KCNQ5: variants seen among roughly 807,000 people sequenced by gnomAD.
KCNQ5 encodes the protein potassium voltage-gated channel subfamily Q member 5, also known as potassium voltage-gated channel subfamily KQT member 5.
Under a neutral mutation model 98.2 loss-of-function variants are expected in KCNQ5, and 30 were observed. The observed-to-expected ratio is 0.31, with a 90% CI of 0.23 to 0.41. The LOEUF is 0.41. Ranked by LOEUF, KCNQ5 falls within the 10% of genes least tolerant of loss-of-function variation. The probability of loss-of-function intolerance (pLI) is 1.00; values close to 1 mark genes in which losing one functional copy is unlikely to be tolerated. For synonymous variants in KCNQ5, 458 were observed against 449.4 expected (o/e 1.02, Z -0.24); for missense variants, 835 against 1,182.5 (o/e 0.71, Z 4.31).
chr6:73,149,435 GAAGAT>G (rs770611460), intron 10 of KCNQ5, among the ~76,000 whole-genome samples: 2 of 152,166 alleles, frequency 1.3e-5, no homozygotes, highest in Admixed American at 6.5e-5. Context: ...AAAAGTAAGA[GAAGAT>G]CTTTGGGATC....
At chr6:72,710,106 C>T (rs917489067) in intron 1 of KCNQ5, among the ~76,000 whole-genome samples, 3 of 152,248 alleles carry the variant, frequency 2.0e-5, no homozygotes, top group African/African-American at 7.2e-5. Flanking sequence ...TGGTCTTCTA[C>T]ATGGCAAACA....
chr6:72,948,313 A>G (rs1766639282), intron 1 of KCNQ5, among the ~76,000 whole-genome samples: 1 of 151,932 alleles, frequency 6.6e-6, no homozygotes, highest in Admixed American at 6.6e-5. Context: ...AATCCAACTG[A>G]CCTGTCGTTA....
chr6:72,878,227 G>T (rs556727332), intron 1 of KCNQ5, among the ~76,000 whole-genome samples: 7 of 152,186 alleles, frequency 4.6e-5, no homozygotes, highest in Non-Finnish European at 8.8e-5. Flanking sequence ...CCGAGATTGC[G>T]CCACTGCACT....
At chr6:72,649,301 A>G (rs918561572) in intron 1 of KCNQ5, among the ~76,000 whole-genome samples, 1 of 152,196 alleles carries the variant, frequency 6.6e-6, no homozygotes, top group Non-Finnish European at 1.5e-5. Context: ...TTAAACAGAC[A>G]TGCACGTGTA....
chr6:73,178,431 A>G (rs1000241086), intron 11 of KCNQ5, among the ~76,000 whole-genome samples: 1 of 147,220 alleles, frequency 6.8e-6, no homozygotes, highest in Admixed American at 7.0e-5. Context: ...TACAAACATT[A>G]AAAAAAAACA....
At chr6:72,937,172 A>G (rs1765975242) in intron 1 of KCNQ5, among the ~76,000 whole-genome samples, 1 of 152,236 alleles carries the variant, frequency 6.6e-6, no homozygotes, top group Non-Finnish European at 1.5e-5. Context: ...TTAGTGCTTT[A>G]CGAACCCAGA....
chr6:73,098,912 G>A (rs929261255), intron 5 of KCNQ5, among the ~76,000 whole-genome samples: 5 of 152,054 alleles, frequency 3.3e-5, no homozygotes, highest in Non-Finnish European at 5.9e-5. Context: ...ACAAAAAGAT[G>A]AACTTATCAA....
At chr6:72,687,006 G>C (rs1767992298) in intron 1 of KCNQ5, among the ~76,000 whole-genome samples, 1 of 152,084 alleles carries the variant, frequency 6.6e-6, no homozygotes, top group South Asian at 2.1e-4. Context: ...TTCAGATTTA[G>C]AATGTGTGTG....
At chr6:73,090,806 A>G (rs1036005440) in intron 5 of KCNQ5, among the ~76,000 whole-genome samples, 2 of 152,220 alleles carry the variant, frequency 1.3e-5, no homozygotes, top group African/African-American at 2.4e-5. Flanking sequence ...GGCGATCATT[A>G]AAGAGTCAGG....
chr6:72,901,623 G>C (rs1459535904), intron 1 of KCNQ5, among the ~76,000 whole-genome samples: 4 of 152,096 alleles, frequency 2.6e-5, no homozygotes, highest in Non-Finnish European at 1.5e-5. Context: ...CCCACTTTAT[G>C]TTTTTGTTTG....
chr6:73,137,371 G>A (rs182046677), intron 10 of KCNQ5, among the ~76,000 whole-genome samples: 53 of 152,178 alleles, frequency 3.5e-4, no homozygotes, highest in African/African-American at 1.3e-3. Flanking sequence ...AATGACAAAC[G>A]AAAGAAAGTA....
chr6:73,169,797 G>T lies in KCNQ5; in HGVS notation c.1520G>T (p.Cys507Phe). The change falls in exon 11 of 14, where the codon TGT (cysteine) becomes TTT (phenylalanine). Residue 507 changes from cysteine to phenylalanine, a missense_variant. By Grantham distance (205) the Cys-to-Phe change is radical. Around this residue, in one of 10 missense-constraint regions of KCNQ5, gnomAD observed 146 missense variants for 256.7 expected, o/e 0.57. Transcript: ENST00000370398. Reference sequence around the variant, plus strand: ...GTATATGATGAAAAAGGATGCCAGTGTGATGTATCAGTGGAAGACCTCACC... The same window carrying T: ...GTATATGATGAAAAAGGATGCCAGTTTGATGTATCAGTGGAAGACCTCACC... ...DDVYDEKGCQ[C>F]DVSVEDLTPP... 1 of 1,614,092 alleles carries T rather than the reference G, an allele frequency of 6.2e-7. No individual in the cohort carries two copies. Among genetic ancestry groups the T allele is most frequent in the Non-Finnish European group, 8.5e-7 (1 of 1,179,944 alleles).
intron 3 of KCNQ5, among the ~76,000 whole-genome samples, chr6:73,065,941 G>T (rs1250078347): frequency 6.6e-6 from 1 of 152,210 alleles, no homozygotes; most frequent in African/African-American, 2.4e-5. Context: ...GAGGTCAGGA[G>T]TTCGAGACCA....
At position 72,833,926 on chromosome 6, in the gene KCNQ5, G is replaced by A. The variant is rs1460100977; in HGVS notation, c.399-169982G>A. On this transcript the variant is annotated intron_variant, in intron 1 of 13. Transcript: ENST00000370398. ...CTCAAAAATATAAGGTTGGATGAAA[G>A]AAGCAATATACAAAAGAATACATAA... 2.0e-5 allele frequency among the ~76,000 whole-genome samples: 3 copies of A among 151,930 alleles called. No individual in the cohort carries two copies. The East Asian group carries it at 5.8e-4, about 29-fold the overall frequency.
At chr6:73,005,862 A>G (rs1023309046) in intron 2 of KCNQ5, among the ~76,000 whole-genome samples, 17 of 152,214 alleles carry the variant, frequency 1.1e-4, no homozygotes, top group African/African-American at 4.1e-4. Context: ...TAATCCTACT[A>G]TCTTTGTACT....
At chr6:72,948,470 G>A (rs1053539114) in intron 1 of KCNQ5, among the ~76,000 whole-genome samples, 4 of 151,590 alleles carry the variant, frequency 2.6e-5, no homozygotes, top group African/African-American at 9.7e-5. Flanking sequence ...TGTTCCATGA[G>A]AGAAAGGAAA....
chr6:73,130,463 A>G (rs538183083), intron 9 of KCNQ5, among the ~76,000 whole-genome samples: 2 of 152,308 alleles, frequency 1.3e-5, no homozygotes, highest in South Asian at 4.1e-4. Flanking sequence ...GCTCCGATCA[A>G]TGACCACAGC....
intron 1 of KCNQ5, among the ~76,000 whole-genome samples, chr6:72,648,677 A>G (rs1359476699): frequency 6.6e-6 from 1 of 152,058 alleles, no homozygotes; most frequent in Non-Finnish European, 1.5e-5. Context: ...TTAAGGAGGC[A>G]TATGCAGGAG....
intron 1 of KCNQ5, among the ~76,000 whole-genome samples, chr6:72,679,647 A>G (rs890026814): frequency 3.6e-4 from 54 of 152,030 alleles, no homozygotes; most frequent in Admixed American, 1.3e-4. Flanking sequence ...TGGGTGCAGC[A>G]CACCAGCATG....
Sources: allele counts gnomAD v4.1 joint callset (sites outside exome capture counted in the v4.1 genomes callset), GRCh38; gene constraint gnomAD v4.1.1; regional missense constraint gnomAD v4.1.1; transcripts MANE v1.5; gene names NCBI Gene and HGNC (gene_info 2026-07-23, HGNC 2026-07-21).